Variants in TYK2 observed in about 807,000 individuals in gnomAD.
The protein encoded by TYK2 is non-receptor tyrosine-protein kinase TYK2.
Under a neutral mutation model 130.9 loss-of-function variants are expected in TYK2, and 65 were observed. The ratio of observed to expected loss-of-function variants is 0.50; its 90% confidence interval spans 0.41 to 0.61. TYK2 has a LOEUF of 0.61. Among genes scored for constraint, TYK2 ranks in the 20% least tolerant of loss-of-function variants. The pLI, the probability that TYK2 is intolerant of heterozygous loss-of-function variation, is 0.00. For missense variants in TYK2, 1,378 were observed against 1,610.7 expected, an observed-to-expected ratio of 0.86 and a Z score of 2.47; for synonymous variants, 647 against 658.9, an observed-to-expected ratio of 0.98 and a Z score of 0.28.
At chr19:10,352,183 T>C (rs2040839340) in intron 23 of TYK2, among the ~76,000 whole-genome samples, 1 of 151,964 alleles carries the variant, frequency 6.6e-6, no homozygotes, top group Admixed American at 6.6e-5. Flanking sequence ...GCCATTCTCC[T>C]GCCTCAGTCT....
chr19:10,353,096 G>A lies in TYK2; in HGVS notation c.3030C>T (p.Gly1010=), dbSNP rs752941545. The change falls in exon 22 of 25, where the codon GGC becomes GGT. Residue 1010 remains glycine (G), a splice_region_variant and synonymous_variant. Coordinates refer to ENST00000525621, the MANE Select transcript of TYK2 (RefSeq NM_003331.5). This position sits in a 1 kb window ranked among gnomAD's most constrained non-coding sequence, Gnocchi z 6.9. The part of the protein sequence containing the change: ...LLLFAQQICE[G]MAYLHAQHYI... ...AGTGCTGCGCGTGCAGATAGGCCAT[G>A]CCCTGGGGACGGGGCAGGGCTCGTG... 6 of 1,533,656 alleles carry A rather than the reference G, an allele frequency of 3.9e-6. No individual in the cohort carries two copies. Among genetic ancestry groups the A allele is most frequent in the Non-Finnish European group, 5.3e-6 (6 of 1,136,266 alleles).
Position 10,356,485 on chromosome 19 carries a change from A to C in TYK2, c.2617+83T>G, listed in dbSNP as rs1373480175. 1.9e-6 allele frequency: 3 copies of C among 1,565,526 alleles called. No individual in the cohort carries two copies. The African/African-American group carries it at 4.1e-5, about 21-fold the overall frequency. Reference sequence around the variant, plus strand: ...ACACACCCTGAACCACTGTGCAGAGACCTCTCGTGCGCTATAGGCATACAG... The same window carrying C: ...ACACACCCTGAACCACTGTGCAGAGCCCTCTCGTGCGCTATAGGCATACAG... On this transcript the variant is annotated intron_variant, in intron 18 of 24. Transcript: ENST00000525621.
rs367868437 is a variant in TYK2 at position 10,357,958 on chromosome 19, G to A, written c.2312-40C>T. On this transcript the variant is annotated intron_variant, in intron 16 of 24. Coordinates refer to ENST00000525621, the MANE Select transcript of TYK2 (RefSeq NM_003331.5). ...TCAGAGGTCACCAAGGGTGAAAGGA[G>A]CAGGGGAAGCCCCCCACTGTGCCCA... is the stretch of plus-strand genomic sequence containing the variant. 45 of 1,613,466 alleles carry A rather than the reference G, an allele frequency of 2.8e-5. 1 individual carries two copies. The African/African-American group carries it at 3.6e-4, about 13-fold the overall frequency.
chr19:10,367,687 G>A (rs12720255), intron 5 of TYK2, among the ~76,000 whole-genome samples: 92 of 151,476 alleles, frequency 6.1e-4, no homozygotes, highest in African/African-American at 2.1e-3. Context: ...TTGGGAGGCC[G>A]AGGCGGGCAG....
At chr19:10,366,657 G>A (rs748336746) in intron 5 of TYK2, 77 bp from the exon 6 acceptor site, 82 of 1,560,040 alleles carry the variant, frequency 5.3e-5, no homozygotes, top group Non-Finnish European at 6.9e-5. Flanking sequence ...CAATCTTCTG[G>A]CTACCCTGGA....
chr19:10,356,371 T>A (rs1165772413), intron 18 of TYK2, among the ~76,000 whole-genome samples, 197 bp downstream of exon 18: 1 of 152,114 alleles, frequency 6.6e-6, no homozygotes, highest in Non-Finnish European at 1.5e-5. Flanking sequence ...AGAGCAAGAT[T>A]CCATTGCAAA....
At chr19:10,374,584 C>CAAAAAAAA (rs1278364077) in intron 3 of TYK2, among the ~76,000 whole-genome samples, 1 of 50,130 alleles carries the variant, frequency 2.0e-5, no homozygotes, top group Non-Finnish European at 3.8e-5. Context: ...GACTCCGTCT[C>CAAAAAAAA]AAAAAAAAAA....
At position 10,361,173 on chromosome 19, in the gene TYK2, C is replaced by T; in HGVS notation, c.2047+338G>A. ...CATCAGCACTGGAGTCTGCCTGAGGCCATAGTGCTGATGGGGCCAGGAGCA... is the reference window on the plus strand; with the variant it reads ...CATCAGCACTGGAGTCTGCCTGAGGTCATAGTGCTGATGGGGCCAGGAGCA... On this transcript the variant is annotated intron_variant, in intron 14 of 24. Coordinates refer to ENST00000525621, the MANE Select transcript of TYK2 (RefSeq NM_003331.5). This position sits in a 1 kb window ranked among gnomAD's most constrained non-coding sequence, Gnocchi z 4.0. 1 of 527,836 alleles carries T rather than the reference C, an allele frequency of 1.9e-6. No individual in the cohort carries two copies. Among genetic ancestry groups the T allele is most frequent in the South Asian group, 1.9e-5 (1 of 53,850 alleles). 32.7% of individuals were successfully genotyped at this position (527,836 alleles called of 1,614,324 possible).
At position 10,354,179 on chromosome 19, in the gene TYK2, C is replaced by T; in HGVS notation, c.2771G>A (p.Gly924Asp). ...GAGGGCTTTCACCGCCACCATCTCG[C>T]CAGTGCCGTCGTTGGTCGGATCGTA... ...YCYDPTNDGT[G>D]EMVAVKALKA... Residue 924 changes from glycine to aspartate, a missense_variant, in exon 20 of 25, where the codon GGC becomes GAC. Coordinates refer to ENST00000525621, the MANE Select transcript of TYK2 (RefSeq NM_003331.5). The T allele has an allele frequency of 6.2e-7, 1 of 1,613,896 alleles. No homozygotes were observed. The highest frequency in any genetic ancestry group is 1.1e-5 in the South Asian group (1 of 91,084).
Position 10,362,468 on chromosome 19 carries a change from T to A in TYK2, c.1477-12A>T. On this transcript the variant is annotated splice_polypyrimidine_tract_variant and intron_variant, in intron 10 of 24. Transcript: ENST00000525621. ...ATGCCGTCTGGTGCCTGGCAGGAGG[T>A]GGCAGAGGTGGGAGCAGTAAGCAGG... 6.3e-7 allele frequency: 1 copy of A among 1,584,948 alleles called. No individual in the cohort carries two copies. Among genetic ancestry groups the A allele is most frequent in the African/African-American group, 1.3e-5 (1 of 74,302 alleles).
chr19:10,369,757 C>T lies in TYK2; in HGVS notation c.194-1339G>A, dbSNP rs1341693980. Reference sequence around the variant, plus strand: ...TACTGATGTCATTTAAAAATTGTACCTGTCGGCCGGGCGCAGTGGCTCACG... The same window carrying T: ...TACTGATGTCATTTAAAAATTGTACTTGTCGGCCGGGCGCAGTGGCTCACG... On this transcript the variant is annotated intron_variant, in intron 3 of 24. Coordinates refer to ENST00000525621, the MANE Select transcript of TYK2 (RefSeq NM_003331.5). The T allele has an allele frequency of 6.6e-6, 3 of 453,620 alleles. 1 individual carries two copies. The highest frequency in any genetic ancestry group is 4.7e-5 in the South Asian group (3 of 64,412). 28.1% of individuals were successfully genotyped at this position (453,620 alleles called of 1,614,324 possible). A position where few individuals can be genotyped will look rare whatever the true frequency, so the allele number is the denominator to read the frequency against.
chr19:10,368,031 T>C (rs976237259), intron 5 of TYK2, 24 bp downstream of exon 5: 14 of 1,613,716 alleles, frequency 8.7e-6, no homozygotes, highest in African/African-American at 1.3e-5. Flanking sequence ...ACAAATAGTC[T>C]TGCCACCCCA....
chr19:10,379,900 C>T (rs919204422), intron 1 of TYK2, 121 bp from the exon 2 acceptor site: 1 of 152,312 alleles, frequency 6.6e-6, no homozygotes, highest in Admixed American at 6.6e-5. Flanking sequence ...ACATTTACCC[C>T]CATGAGTGAC....
chr19:10,373,316 G>A (rs953555295), intron 3 of TYK2, among the ~76,000 whole-genome samples: 3 of 151,874 alleles, frequency 2.0e-5, no homozygotes, highest in Admixed American at 1.3e-4. Flanking sequence ...AGGATTACAA[G>A]TGTGAGCTAC....
chr19:10,380,193 C>T lies in TYK2; in HGVS notation c.-186+187G>A, dbSNP rs1044710096. ...ACCTATTCATGTTATAGATGAGATC[C>T]CGGGGATGGGGCTTTCGCGGAGCCT... On this transcript the variant is annotated intron_variant, in intron 1 of 24. Transcript: ENST00000525621. 1.1e-4 allele frequency among the ~76,000 whole-genome samples: 16 copies of T among 152,306 alleles called. No individual in the cohort carries two copies. The East Asian group carries it at 2.5e-3, about 24-fold the overall frequency.
At chr19:10,377,572 G>GA (rs1568346516) in intron 3 of TYK2, among the ~76,000 whole-genome samples, 3 of 49,842 alleles carry the variant, frequency 6.0e-5, no homozygotes, top group Non-Finnish European at 1.2e-4. Flanking sequence ...GGATGGGTGG[G>GA]TGGGTGGATG....
rs1463506524 is a variant in TYK2, at chr19:10,361,763, C to T, written c.1959+7G>A. ...ACACACCCCCAGGCCTGGCCCTGCC[C>T]ACTCACCAGGGCGATGTCATGGTGA... On this transcript the variant is annotated splice_region_variant and intron_variant, in intron 13 of 24. Transcript: ENST00000525621. This position sits in a 1 kb window ranked among gnomAD's most constrained non-coding sequence, Gnocchi z 4.0. 6.2e-7 allele frequency: 1 copy of T among 1,613,026 alleles called. No homozygotes were observed. Among genetic ancestry groups the T allele is most frequent in the Non-Finnish European group, 8.5e-7 (1 of 1,179,816 alleles).
chr19:10,377,639 G>A (rs543843829), intron 3 of TYK2, among the ~76,000 whole-genome samples: 3 of 19,658 alleles, frequency 1.5e-4, no homozygotes, highest in African/African-American at 2.5e-4. Flanking sequence ...TGGGTGGATG[G>A]ATGGGTGGAT....
In TYK2 at chr19:10,354,598, C is replaced by T. The variant is rs146540753; in HGVS notation, c.2629G>A (p.Val877Ile). The change falls in exon 19 of 25, where the codon GTC (valine) becomes ATC (isoleucine). Residue 877 changes from valine (V) to isoleucine (I), a missense_variant. Physicochemically the swap from Val to Ile is conservative, Grantham distance 29 (BLOSUM62 3). Transcript: ENST00000525621. Reference sequence around the variant, plus strand: ...GGTGAGTCCGGGTTCACAGTCAAGACGTCAGCAAGATCTGGAAGAGTTGCG... The same window carrying T: ...GGTGAGTCCGGGTTCACAGTCAAGATGTCAGCAAGATCTGGAAGAGTTGCG... ...TRLQPHNLAD[V>I]LTVNPDSPAS... 11 of 1,613,828 alleles carry T rather than the reference C, an allele frequency of 6.8e-6. No individual in the cohort carries two copies. Among genetic ancestry groups the T allele is most frequent in the South Asian group, 5.5e-5 (5 of 91,092 alleles).
Sources: allele counts gnomAD v4.1 joint callset (sites outside exome capture counted in the v4.1 genomes callset), GRCh38; gene constraint gnomAD v4.1.1; non-coding constraint Gnocchi (gnomAD v3.1); transcripts MANE v1.5; gene names NCBI Gene and HGNC (gene_info 2026-07-23, HGNC 2026-07-21).